The following PDZD2 variants were observed in gnomAD, a reference collection of about 807,000 sequenced individuals.
PDZD2 encodes the protein PDZ domain-containing protein 2.
A neutral mutation model predicts 220.7 loss-of-function variants in PDZD2; 90 were observed. That is an observed-to-expected ratio of 0.41 (90% confidence interval 0.34 to 0.49). PDZD2 has a LOEUF of 0.49. PDZD2 is among the 20% of genes least tolerant of loss of function. The pLI, the probability that PDZD2 is intolerant of heterozygous loss-of-function variation, is 0.28. For missense variants in PDZD2, 3,174 were observed against 3,608.5 expected (o/e 0.88, Z 3.08); for synonymous variants, 1,375 against 1,450.5 (o/e 0.95, Z 1.18).
chr5:31,982,804 G>C (rs1022404428), intron 2 of PDZD2, among the ~76,000 whole-genome samples: 3 of 152,134 alleles, frequency 2.0e-5, no homozygotes, highest in African/African-American at 7.2e-5. Flanking sequence ...GCATAATTCC[G>C]ATGCAAGAAA....
chr5:32,068,588 C>T (rs1048615965), intron 14 of PDZD2, among the ~76,000 whole-genome samples: 63 of 152,212 alleles, frequency 4.1e-4, no homozygotes, highest in Non-Finnish European at 1.6e-4. Context: ...TACAGACACA[C>T]TTTGAGTAGT....
At chr5:31,937,425 C>T (rs1474653868) in intron 2 of PDZD2, among the ~76,000 whole-genome samples, 2 of 152,140 alleles carry the variant, frequency 1.3e-5, no homozygotes, top group Non-Finnish European at 1.5e-5. Flanking sequence ...GAGAATGCCC[C>T]GTAGCCACAG....
intron 14 of PDZD2, among the ~76,000 whole-genome samples, 198 bp from the exon 15 acceptor site, chr5:32,069,371 C>T (rs898671530): frequency 6.6e-6 from 1 of 151,924 alleles, no homozygotes; most frequent in African/African-American, 2.4e-5. Context: ...ACTTGGGCAC[C>T]AGTTGAAAAG....
chr5:32,017,873 G>A (rs1479451599), intron 6 of PDZD2, among the ~76,000 whole-genome samples: 1 of 152,224 alleles, frequency 6.6e-6, no homozygotes, highest in Non-Finnish European at 1.5e-5. Context: ...GTGAGTGTCA[G>A]AGATGTGGGT....
chr5:32,003,345 A>C (rs1581252927), intron 5 of PDZD2, among the ~76,000 whole-genome samples: 4 of 39,398 alleles, frequency 1.0e-4, no homozygotes, highest in Admixed American at 3.4e-4. Context: ...CACACCACAC[A>C]CACACCACAC....
At chr5:31,908,651 CA>C (rs1742904511) in intron 2 of PDZD2, 1 of 1,145,708 alleles carries the variant, frequency 8.7e-7, no homozygotes, top group African/African-American at 1.6e-5. Flanking sequence ...ATATCAAAGA[CA>C]AACTTGAAGA....
intron 1 of PDZD2, among the ~76,000 whole-genome samples, chr5:31,793,201 T>C (rs1024441839): frequency 7.2e-6 from 1 of 138,966 alleles, no homozygotes; most frequent in African/African-American, 2.7e-5. Context: ...TAGCCAATGT[T>C]GATAAAATAG....
In PDZD2 at chr5:32,087,790, G is replaced by A; in HGVS notation, c.4342G>A (p.Asp1448Asn). 6.2e-7 allele frequency: 1 copy of A among 1,613,728 alleles called. No individual in the cohort carries two copies. The highest frequency in any genetic ancestry group is 8.5e-7 in the Non-Finnish European group (1 of 1,179,894). Residue 1448 changes from aspartate (D) to asparagine (N), a missense_variant, in exon 20 of 25, where the codon GAC becomes AAC. This residue lies in a region of PDZD2 where 1,861 missense variants were observed against 2,001.0 expected (regional missense o/e 0.93). Coordinates refer to ENST00000438447, the MANE Select transcript of PDZD2 (RefSeq NM_178140.4). This position sits in a 1 kb window ranked among gnomAD's most constrained non-coding sequence, Gnocchi z 4.0. ...AAGGTCTCCGTCTTCCCAGACGGGG[G>A]ACAGTGGCTCTCAGGAGGGCAGTGC... is the stretch of plus-strand genomic sequence containing the variant. ...AARSPSSQTG[D>N]SGSQEGSAQG... is the part of the protein sequence containing the mutation.
chr5:31,859,060 C>T (rs1320743937), intron 2 of PDZD2, among the ~76,000 whole-genome samples: 1 of 152,092 alleles, frequency 6.6e-6, no homozygotes, highest in African/African-American at 2.4e-5. Context: ...CTAGACCTGC[C>T]AAGTGGTCCT....
At chr5:32,093,146 T>TG in intron 21 of PDZD2, 122 bp downstream of exon 21, 1 of 629,252 alleles carries the variant, frequency 1.6e-6, no homozygotes, top group South Asian at 2.0e-5. Flanking sequence ...AGGACTGCCT[T>TG]GGGTTGCGAG....
chr5:31,986,535 T>A (rs1301867133), intron 3 of PDZD2, among the ~76,000 whole-genome samples: 2 of 151,950 alleles, frequency 1.3e-5, no homozygotes, highest in East Asian at 3.9e-4. Context: ...TAGACCTTCA[T>A]ACAAGATTGT....
intron 2 of PDZD2, among the ~76,000 whole-genome samples, chr5:31,866,796 C>A (rs886393559): frequency 1.1e-4 from 16 of 152,156 alleles, no homozygotes; most frequent in Non-Finnish European, 5.9e-5. Flanking sequence ...TTATCAGTGT[C>A]AGTTCATTCG....
Position 31,799,032 on chromosome 5 carries a change from G to C in PDZD2, c.-217G>C. 1.8e-6 allele frequency: 1 copy of C among 563,530 alleles called. No individual in the cohort carries two copies. Among genetic ancestry groups the C allele is most frequent in the Non-Finnish European group, 3.2e-6 (1 of 316,490 alleles). 34.9% of individuals were successfully genotyped at this position (563,530 alleles called of 1,614,324 possible). ...TCCTTCCCTCATTGAGCACTCCAGT[G>C]CCATTGTTCCACAGTTGTTCTAATT... On this transcript the variant is annotated 5_prime_UTR_variant, in exon 2 of 25. Transcript: ENST00000438447.
At position 32,090,056 on chromosome 5, in the gene PDZD2, CA is replaced by C; in HGVS notation, c.6609del (p.Gly2205AlafsTer49). 1.2e-6 allele frequency: 2 copies of C among 1,613,370 alleles called. No homozygotes were observed. The highest frequency in any genetic ancestry group is 1.7e-6 in the Non-Finnish European group (2 of 1,179,768). ...DSRGVPRNSI[P>X]GGPSGEDHLY... ...CGAGGGGTGCCCAGAAACAGCATTC[CA>C]GGGGGCCCCTCGGGGGAGGACCATC... is the stretch of plus-strand genomic sequence containing the variant. On this transcript the variant is annotated frameshift_variant, in exon 20 of 25. Coordinates refer to ENST00000438447, the MANE Select transcript of PDZD2 (RefSeq NM_178140.4). LOFTEE classifies it high-confidence loss of function. The surrounding 1 kb of genome is among the most constrained non-coding windows in gnomAD (Gnocchi z 4.3).
intron 6 of PDZD2, among the ~76,000 whole-genome samples, chr5:32,014,917 C>T (rs1177413341): frequency 6.9e-6 from 1 of 145,200 alleles, no homozygotes; most frequent in African/African-American, 2.5e-5. Flanking sequence ...ACCATGTTGG[C>T]CAGGATAGTC....
chr5:31,959,051 G>A (rs1030704789), intron 2 of PDZD2, among the ~76,000 whole-genome samples: 2 of 151,812 alleles, frequency 1.3e-5, no homozygotes, highest in African/African-American at 2.4e-5. Context: ...TTCTGCCTTA[G>A]CCTCCCAAGT....
chr5:31,730,590 GTGGT>G (rs1379061255), intron 1 of PDZD2, among the ~76,000 whole-genome samples: 35 of 112,506 alleles, frequency 3.1e-4, no homozygotes, highest in Middle Eastern at 8.8e-3. Context: ...GTGTGTGTGT[GTGGT>G]GTGTGTGTGT....
intron 2 of PDZD2, among the ~76,000 whole-genome samples, chr5:31,968,312 C>T (rs369487850): frequency 2.0e-5 from 3 of 151,844 alleles, no homozygotes; most frequent in Admixed American, 2.0e-4. Flanking sequence ...GAGCCGAGAT[C>T]GCACCACTGT....
At chr5:31,850,226 G>GCATGTATATATGTGTATATATATAAGCA (rs1554082930) in intron 2 of PDZD2, among the ~76,000 whole-genome samples, 1 of 101,210 alleles carries the variant, frequency 9.9e-6, no homozygotes, top group Admixed American at 1.1e-4. Flanking sequence ...ATATATATAA[G>GCATGTATATATGTGTATATATATAAGCA]TATATATATA....
Sources: gnomAD v4.1 joint callset for allele counts (sites outside exome capture counted in the v4.1 genomes callset) on GRCh38, gnomAD v4.1.1 for gene constraint, gnomAD v4.1.1 regional missense constraint, Gnocchi (gnomAD v3.1) non-coding constraint, MANE v1.5 for transcripts, NCBI Gene and HGNC (gene_info 2026-07-23, HGNC 2026-07-21) for gene names.